The following GMDS variants were observed in gnomAD, a reference collection of about 807,000 sequenced individuals.
The protein encoded by GMDS is GDP-mannose 4,6-dehydratase.
A neutral mutation model predicts 49.9 loss-of-function variants in GMDS; 20 were observed. The ratio of observed to expected loss-of-function variants is 0.40; its 90% CI spans 0.28 to 0.58. The LOEUF (loss-of-function observed/expected upper bound fraction) is 0.58. Among genes scored for constraint, GMDS ranks in the 20% least tolerant of loss-of-function variants. The probability of loss-of-function intolerance (pLI) is 0.42; values close to 1 mark genes in which losing one functional copy is unlikely to be tolerated. For synonymous variants in GMDS, 177 were observed against 178.6 expected (o/e 0.99, Z 0.07); for missense variants, 362 against 481.4 (o/e 0.75, Z 2.32).
chr6:1,795,124 C>T (rs563670402), intron 7 of GMDS, among the ~76,000 whole-genome samples: 26 of 152,156 alleles, frequency 1.7e-4, no homozygotes, highest in South Asian at 8.3e-4. Context: ...CACTTGAGTC[C>T]GGGAGGCAGA....
chr6:1,802,204 A>C (rs148612308), intron 7 of GMDS, among the ~76,000 whole-genome samples: 74 of 152,372 alleles, frequency 4.9e-4, no homozygotes, highest in Non-Finnish European at 9.6e-4. Flanking sequence ...TCTTCATTTG[A>C]GAATTTACAT....
At chr6:1,813,313 G>T (rs1770524273) in intron 7 of GMDS, among the ~76,000 whole-genome samples, 1 of 150,782 alleles carries the variant, frequency 6.6e-6, no homozygotes, top group East Asian at 1.9e-4. Flanking sequence ...AGAATCTTGG[G>T]AAAGAATAAG....
chr6:1,968,607 G>A (rs2127315207), intron 4 of GMDS, among the ~76,000 whole-genome samples: 1 of 152,260 alleles, frequency 6.6e-6, no homozygotes, highest in East Asian at 1.9e-4. Flanking sequence ...GGTAGTCTGG[G>A]AGGGGTAAAT....
At chr6:1,767,188 T>G (rs1435743640) in intron 7 of GMDS, among the ~76,000 whole-genome samples, 1 of 152,122 alleles carries the variant, frequency 6.6e-6, no homozygotes, top group Non-Finnish European at 1.5e-5. Flanking sequence ...CGGAAACATA[T>G]TTTCCACCCA....
intron 9 of GMDS, among the ~76,000 whole-genome samples, chr6:1,709,448 A>G (rs982834788): frequency 5.3e-5 from 8 of 152,234 alleles, no homozygotes; most frequent in African/African-American, 1.2e-4. Context: ...CTCATCTGAC[A>G]TGACAACAGT....
At chr6:2,106,037 T>C (rs1435020605) in intron 4 of GMDS, among the ~76,000 whole-genome samples, 4 of 152,192 alleles carry the variant, frequency 2.6e-5, no homozygotes, top group East Asian at 1.9e-4. Context: ...CGGTTTCTTA[T>C]AAATAAAGCA....
At chr6:1,746,139 A>G (rs1767487329) in intron 7 of GMDS, among the ~76,000 whole-genome samples, 2 of 152,256 alleles carry the variant, frequency 1.3e-5, no homozygotes, top group African/African-American at 2.4e-5. Flanking sequence ...TGGCCAGGCC[A>G]CACTCTGTGA....
chr6:1,645,888 G>A (rs756402721), intron 9 of GMDS, among the ~76,000 whole-genome samples: 18 of 152,176 alleles, frequency 1.2e-4, no homozygotes, highest in Non-Finnish European at 2.2e-4. Flanking sequence ...ACAATCTGTG[G>A]TTATTTTGCC....
At chr6:2,139,045 A>C (rs1184341523) in intron 1 of GMDS, among the ~76,000 whole-genome samples, 1 of 152,164 alleles carries the variant, frequency 6.6e-6, no homozygotes, top group Non-Finnish European at 1.5e-5. Flanking sequence ...TTAATTTTAT[A>C]TATCACTTAA....
At chr6:1,972,644 T>C (rs760287650) in intron 4 of GMDS, among the ~76,000 whole-genome samples, 14 of 152,252 alleles carry the variant, frequency 9.2e-5, no homozygotes, top group Admixed American at 1.3e-4. Flanking sequence ...ATCTGAAATT[T>C]AGAGTTCCCT....
At chr6:2,046,675 T>G (rs539946946) in intron 4 of GMDS, among the ~76,000 whole-genome samples, 221 of 152,276 alleles carry the variant, frequency 1.5e-3, no homozygotes, top group Non-Finnish European at 2.2e-3. Flanking sequence ...TTGCCCAGAC[T>G]GATCTCAAAC....
At chr6:1,636,471 C>T (rs911554906) in intron 9 of GMDS, among the ~76,000 whole-genome samples, 1 of 152,214 alleles carries the variant, frequency 6.6e-6, no homozygotes, top group Admixed American at 6.5e-5. Context: ...ACTTTCACTT[C>T]ATTTAACTGT....
rs78545452 is a variant in GMDS at position 1,660,209 on chromosome 6, G to T, written c.988-35669C>A. ...TCTGGGGGTAATCATCATGGGATGG[G>T]CCAGGCAAAGCCACCAAACCATGTG... On this transcript the variant is annotated intron_variant, in intron 9 of 10. Transcript: ENST00000380815. Among the ~76,000 whole-genome samples, 6 of 152,222 alleles carry T rather than the reference G, an allele frequency of 3.9e-5. No individual in the cohort carries two copies. In the East Asian group the frequency reaches 1.2e-3, roughly 29 times the overall value.
intron 4 of GMDS, among the ~76,000 whole-genome samples, chr6:2,076,270 A>C (rs1032238291): frequency 6.6e-6 from 1 of 152,140 alleles, no homozygotes; most frequent in African/African-American, 2.4e-5. Flanking sequence ...GATCCCATAC[A>C]AATGGAAGAA....
intron 4 of GMDS, among the ~76,000 whole-genome samples, chr6:2,057,283 A>G (rs949143830): frequency 1.3e-5 from 2 of 152,170 alleles, no homozygotes; most frequent in Non-Finnish European, 2.9e-5. Context: ...TCTCATGATA[A>G]TATCTTCTAC....
intron 9 of GMDS, among the ~76,000 whole-genome samples, chr6:1,678,142 C>G (rs557718782): frequency 6.6e-6 from 1 of 152,210 alleles, no homozygotes; most frequent in South Asian, 2.1e-4. Context: ...AGGGACCCCA[C>G]AACTTGCGTG....
At chr6:2,072,213 A>G (rs192935846) in intron 4 of GMDS, among the ~76,000 whole-genome samples, 323 of 152,292 alleles carry the variant, frequency 2.1e-3, no homozygotes, top group African/African-American at 7.4e-3. Context: ...ATTAATTTAC[A>G]TTTAAAAACT....
chr6:1,853,517 CAAAAAAAA>C (rs34773610), intron 7 of GMDS, among the ~76,000 whole-genome samples: 5 of 70,392 alleles, frequency 7.1e-5, no homozygotes, highest in Non-Finnish European at 2.6e-5. Context: ...GACTCCGTCT[CAAAAAAAA>C]AAAAAAAAAA....
intron 7 of GMDS, among the ~76,000 whole-genome samples, chr6:1,806,402 C>T (rs1393336457): frequency 6.6e-6 from 1 of 151,720 alleles, no homozygotes; most frequent in Admixed American, 6.6e-5. Context: ...AGGATGGGTG[C>T]TCTATCAACT....
Sources: allele counts gnomAD v4.1 joint callset (sites outside exome capture counted in the v4.1 genomes callset), GRCh38; gene constraint gnomAD v4.1.1; transcripts MANE v1.5; gene names NCBI Gene and HGNC (gene_info 2026-07-23, HGNC 2026-07-21).